The following INTS2 variants were observed in gnomAD, a reference collection of about 807,000 sequenced individuals.
The protein encoded by INTS2 is KIAA1287.
Under a neutral mutation model 139.6 loss-of-function variants are expected in INTS2, and 57 were observed. That is an observed-to-expected ratio of 0.41 (90% CI 0.33 to 0.51). The LOEUF is 0.51. Ranked by LOEUF, INTS2 falls within the 20% of genes least tolerant of loss-of-function variation. The pLI, the probability that INTS2 is intolerant of heterozygous loss-of-function variation, is 0.28. For synonymous variants in INTS2, 473 were observed against 493.4 expected, an observed-to-expected ratio of 0.96 and a Z score of 0.55; for missense variants, 1,196 against 1,436.7, an observed-to-expected ratio of 0.83 and a Z score of 2.71.
Position 61,904,519 on chromosome 17 carries a change from A to G in INTS2, c.1248T>C (p.Ala416=), listed in dbSNP as rs1327998489. ...AGGAAAGTGAAACAAAGCGAACCCC[A>G]GCTGGCGTAGCAGGAGGACGGCTCG... The part of the protein sequence containing the change: ...LMTSRPPATP[A]GVRFVSLSFC... Residue 416 remains alanine, a synonymous_variant, in exon 9 of 25, where the codon GCT becomes GCC. Transcript: ENST00000251334. The G allele has an allele frequency of 6.2e-7, 1 of 1,612,052 alleles. No individual in the cohort carries two copies. Among genetic ancestry groups the G allele is most frequent in the Non-Finnish European group, 8.5e-7 (1 of 1,178,708 alleles).
intron 16 of INTS2, 62 bp downstream of exon 16, chr17:61,884,839 A>C: frequency 1.9e-6 from 2 of 1,032,124 alleles, no homozygotes; most frequent in Non-Finnish European, 2.9e-6. Flanking sequence ...ACTTCATAAC[A>C]TTATAAACAG....
Position 61,881,146 on chromosome 17 carries a change from G to C in INTS2, c.2115C>G (p.Leu705=). 6.2e-7 allele frequency: 1 copy of C among 1,613,326 alleles called. No homozygotes were observed. Among genetic ancestry groups the C allele is most frequent in the East Asian group, 2.2e-5 (1 of 44,858 alleles). Reference sequence around the variant, plus strand: ...ATAAATGTGGGTAGTTAGTAGCAAGGAGACGTAGTAAAGCTGAATGCAACC... The same window carrying C: ...ATAAATGTGGGTAGTTAGTAGCAAGCAGACGTAGTAAAGCTGAATGCAACC... The part of the protein sequence containing the change: ...LGGLHSALLR[L]LATNYPHLCI... Residue 705 remains leucine (L), a synonymous_variant, in exon 17 of 25, where the codon CTC becomes CTG. Coordinates refer to ENST00000251334, the MANE Select transcript of INTS2 (RefSeq NM_001351695.2).
Position 61,881,185 on chromosome 17 carries a change from A to G in INTS2, c.2090-14T>C. Reference sequence around the variant, plus strand: ...CTGAATGCAACCCTTGAAAATTTACAGAAAATCAATTGGATTCTTCATGCT... The same window carrying G: ...CTGAATGCAACCCTTGAAAATTTACGGAAAATCAATTGGATTCTTCATGCT... On this transcript the variant is annotated splice_polypyrimidine_tract_variant and intron_variant, in intron 16 of 24. Transcript: ENST00000251334. 1.2e-6 allele frequency: 2 copies of G among 1,603,164 alleles called. No individual in the cohort carries two copies. The highest frequency in any genetic ancestry group is 2.2e-5 in the South Asian group (2 of 89,730).
rs2079061795 is a variant in INTS2, at chr17:61,868,243, A to G, written c.3245-234T>C. Among the ~76,000 whole-genome samples, 1 of 152,158 alleles carries G rather than the reference A, an allele frequency of 6.6e-6. No homozygotes were observed. The highest frequency in any genetic ancestry group is 2.1e-4 in the South Asian group (1 of 4,830). ...ACATGCATTATTTCATTGAATTCCT[A>G]CAATCTTATGAATGACCAAAGTACT... On this transcript the variant is annotated intron_variant, in intron 23 of 24. Coordinates refer to ENST00000251334, the MANE Select transcript of INTS2 (RefSeq NM_001351695.2). The surrounding 1 kb of genome is among the most constrained non-coding windows in gnomAD (Gnocchi z 4.7).
intron 11 of INTS2, among the ~76,000 whole-genome samples, chr17:61,895,586 T>C (rs1330705331): frequency 6.6e-6 from 1 of 152,144 alleles, no homozygotes; most frequent in African/African-American, 2.4e-5. Flanking sequence ...ACTTAATAAA[T>C]ACTATTATTG....
At position 61,927,957 on chromosome 17, in the gene INTS2, A is replaced by G. The variant is rs769886611; in HGVS notation, c.-322T>C. On this transcript the variant is annotated 5_prime_UTR_variant, in exon 1 of 25. Coordinates refer to ENST00000251334, the MANE Select transcript of INTS2 (RefSeq NM_001351695.2). ...CACCTTCATTCATCCCCAGCGTCTG[A>G]CTCCCGTCGGCCACCGTACTGGTCT... 1 of 1,612,974 alleles carries G rather than the reference A, an allele frequency of 6.2e-7. No homozygotes were observed. The highest frequency in any genetic ancestry group is 8.5e-7 in the Non-Finnish European group (1 of 1,179,696).
Position 61,865,402 on chromosome 17 carries a change from A to G in INTS2, c.*2155T>C, listed in dbSNP as rs574335534. The G allele has an allele frequency of 6.5e-6, 1 of 152,818 alleles. No individual in the cohort carries two copies. The highest frequency in any genetic ancestry group is 2.1e-4 in the South Asian group (1 of 4,834). The allele number at this position is 152,818 out of a possible 1,614,324, so 9.5% of individuals were successfully genotyped here. A position where few individuals can be genotyped will look rare whatever the true frequency, so the allele number is the denominator to read the frequency against. ...AAAGAATATGAATGTTTATAAACCAATATTCAAAATAGCTGCACACATCTG... is the reference window on the plus strand; with the variant it reads ...AAAGAATATGAATGTTTATAAACCAGTATTCAAAATAGCTGCACACATCTG... On this transcript the variant is annotated 3_prime_UTR_variant, in exon 25 of 25. Coordinates refer to ENST00000251334, the MANE Select transcript of INTS2 (RefSeq NM_001351695.2). This position sits in a 1 kb window ranked among gnomAD's most constrained non-coding sequence, Gnocchi z 4.8.
chr17:61,900,619 T>C (rs1412056805), intron 9 of INTS2, among the ~76,000 whole-genome samples: 3 of 152,208 alleles, frequency 2.0e-5, no homozygotes, highest in African/African-American at 7.2e-5. Context: ...AAGACCCACT[T>C]ATGCATTAGA....
chr17:61,913,119 C>G (rs2079544940), intron 5 of INTS2, among the ~76,000 whole-genome samples: 1 of 150,842 alleles, frequency 6.6e-6, no homozygotes, highest in African/African-American at 2.4e-5. Context: ...AGGCGCATCA[C>G]CTGAGGCCAG....
chr17:61,887,324 A>G (rs1457938113), intron 15 of INTS2, among the ~76,000 whole-genome samples: 1 of 152,016 alleles, frequency 6.6e-6, no homozygotes, highest in East Asian at 1.9e-4. Context: ...CTCTACTAAA[A>G]ATACAAAATT....
chr17:61,878,931 CAAAAAAAAAAA>C (rs35652350), intron 17 of INTS2, among the ~76,000 whole-genome samples: 1 of 46,656 alleles, frequency 2.1e-5, no homozygotes, highest in African/African-American at 1.0e-4. Context: ...ACCCTGTCTC[CAAAAAAAAAAA>C]AAAAAAAAAA....
At chr17:61,915,577 G>C (rs1414008493) in intron 5 of INTS2, among the ~76,000 whole-genome samples, 3 of 149,446 alleles carry the variant, frequency 2.0e-5, no homozygotes, top group Admixed American at 2.0e-4. Context: ...CCAGCACTTT[G>C]GGAGGCCGAG....
chr17:61,913,821 T>C (rs1378261606), intron 5 of INTS2, among the ~76,000 whole-genome samples: 1 of 152,118 alleles, frequency 6.6e-6, no homozygotes, highest in Admixed American at 6.6e-5. Flanking sequence ...GCACCAAAAA[T>C]GGTAAATGTG....
At chr17:61,880,872 T>C in intron 17 of INTS2, 135 bp downstream of exon 17, 1 of 687,040 alleles carries the variant, frequency 1.5e-6, no homozygotes. Flanking sequence ...AAAGAGTATT[T>C]TATATACTTA....
chr17:61,919,588 T>C lies in INTS2; in HGVS notation c.536-75A>G, dbSNP rs574354645. 8 of 770,238 alleles carry C rather than the reference T, an allele frequency of 1.0e-5. No individual in the cohort carries two copies. In the African/African-American group the frequency reaches 1.1e-4, roughly 10 times the overall value. The allele number at this position is 770,238 out of a possible 1,614,324, so 47.7% of individuals were successfully genotyped here. A position where few individuals can be genotyped will look rare whatever the true frequency, so the allele number is the denominator to read the frequency against. On this transcript the variant is annotated intron_variant, in intron 4 of 24. Coordinates refer to ENST00000251334, the MANE Select transcript of INTS2 (RefSeq NM_001351695.2). ...CCACACCCAGCTAATTTTTTTTATT[T>C]TCTGTGGAGACTGAATCTCACTGTG...
rs757768809 is a variant in INTS2, at chr17:61,921,817, G to A, written c.443C>T (p.Ser148Phe). 7 of 1,565,826 alleles carry A rather than the reference G, an allele frequency of 4.5e-6. No homozygotes were observed. The highest frequency in any genetic ancestry group is 6.1e-6 in the Non-Finnish European group (7 of 1,150,166). Residue 148 changes from serine to phenylalanine, a missense_variant, in exon 4 of 25, where the codon TCC becomes TTC. Ser to Phe is a radical substitution (Grantham distance 155, BLOSUM62 -2). Coordinates refer to ENST00000251334, the MANE Select transcript of INTS2 (RefSeq NM_001351695.2). ...AGACTTGAAAAAAAATTCTCCGTTG[G>A]ACTCAGACACCTTAAAAAAGAAAAA... ...LLAIMNKVSESNGEFFFKSSE... is the reference protein window; with the variant it reads ...LLAIMNKVSEFNGEFFFKSSE...
At chr17:61,887,678 G>A (rs1169048215) in intron 15 of INTS2, among the ~76,000 whole-genome samples, 1 of 151,858 alleles carries the variant, frequency 6.6e-6, no homozygotes, top group African/African-American at 2.4e-5. Context: ...TAAAGTTCAT[G>A]GAAAAGATTA....
intron 2 of INTS2, 90 bp downstream of exon 2, chr17:61,926,262 C>T: frequency 9.5e-7 from 1 of 1,056,054 alleles, no homozygotes; most frequent in Admixed American, 2.4e-5. Context: ...TTTAGATTCT[C>T]ATTCTCTCTT....
chr17:61,869,352 G>A lies in INTS2; in HGVS notation c.3059C>T (p.Thr1020Met), dbSNP rs758749518. ...QGYPCELLPL[T>M]VAGIPSMHIC... ...GTGCATAGATGGAATACCTGCGACC[G>A]TCAGAGGCAAAAGTTCACATGGATA... The change falls in exon 22 of 25, where the codon ACG (threonine) becomes ATG (methionine). Residue 1020 changes from threonine (T) to methionine (M), a missense_variant. By Grantham distance (81) the Thr-to-Met change is moderately conservative. Coordinates refer to ENST00000251334, the MANE Select transcript of INTS2 (RefSeq NM_001351695.2). The surrounding 1 kb of genome is among the most constrained non-coding windows in gnomAD (Gnocchi z 5.4). The A allele has an allele frequency of 1.6e-5, 26 of 1,605,082 alleles. No homozygotes were observed. The highest frequency in any genetic ancestry group is 2.2e-5 in the East Asian group (1 of 44,636).
Sources: gnomAD v4.1 joint callset for allele counts (sites outside exome capture counted in the v4.1 genomes callset) on GRCh38, gnomAD v4.1.1 for gene constraint, Gnocchi (gnomAD v3.1) non-coding constraint, MANE v1.5 for transcripts, NCBI Gene and HGNC (gene_info 2026-07-23, HGNC 2026-07-21) for gene names.